Variants in ZPLD1 observed in about 807,000 individuals in gnomAD.
The protein encoded by ZPLD1 is zona pellucida like domain containing 1, also known as zona pellucida-like domain-containing protein 1.
A neutral mutation model predicts 47.2 loss-of-function variants in ZPLD1; 34 were observed. That is an observed-to-expected ratio of 0.72 (90% confidence interval 0.55 to 0.96). ZPLD1 has a LOEUF of 0.96. Among genes scored for constraint, ZPLD1 ranks in the 40% least tolerant of loss-of-function variants. The pLI, the probability that ZPLD1 is intolerant of heterozygous loss-of-function variation, is 0.00. For synonymous variants in ZPLD1, 176 were observed against 186.2 expected, an observed-to-expected ratio of 0.95 and a Z score of 0.45; for missense variants, 512 against 505.8, an observed-to-expected ratio of 1.01 and a Z score of -0.12.
At chr3:102,387,826 C>CA (rs1706447394) in intron 6 of ZPLD1, among the ~76,000 whole-genome samples, 1 of 145,986 alleles carries the variant, frequency 6.8e-6, no homozygotes, top group Admixed American at 6.8e-5. Flanking sequence ...TCTTAAGATT[C>CA]ATGTCCTTCA....
intron 3 of ZPLD1, among the ~76,000 whole-genome samples, chr3:102,449,746 CT>C (rs1707308688): frequency 6.6e-6 from 1 of 152,116 alleles, no homozygotes; most frequent in African/African-American, 2.4e-5. Flanking sequence ...AAAAAATCAA[CT>C]TTATCATAGG....
At position 102,469,045 on chromosome 3, in the gene ZPLD1, T is replaced by A. The variant is rs749374356; in HGVS notation, c.843T>A (p.Phe281Leu). Residue 281 changes from phenylalanine to leucine, a missense_variant, in exon 9 of 12, where the codon TTT becomes TTA. Physicochemically the swap from Phe to Leu is conservative, Grantham distance 22. Transcript: ENST00000466937. ...GGTTTTCTTTTGAAGTGTTCCGATT[T>A]GTGAAACACAAGAATCAGAAAATGT... The part of the protein sequence containing the change: ...RGRFSFEVFR[F>L]VKHKNQKMST... 2 of 1,614,202 alleles carry A rather than the reference T, an allele frequency of 1.2e-6. No individual in the cohort carries two copies. The highest frequency in any genetic ancestry group is 1.7e-6 in the Non-Finnish European group (2 of 1,180,018).
At chr3:102,474,660 T>C (rs537377283) in intron 10 of ZPLD1, among the ~76,000 whole-genome samples, 81 of 152,306 alleles carry the variant, frequency 5.3e-4, no homozygotes, top group African/African-American at 1.9e-3. Context: ...TCTTTGGTGG[T>C]CATTTTTAAA....
At chr3:102,434,465 CTTCCTTTTCTATTAGTAACAG>C (rs1451409018), upstream of ZPLD1, among the ~76,000 whole-genome samples, 1 of 152,092 alleles carries the variant, frequency 6.6e-6, no homozygotes, top group African/African-American at 2.4e-5. Context: ...TAGCATATGA[CTTCCTTTTCTATTAGTAACAG>C]TTTATGAGAT....
chr3:102,448,095 A>G (rs1430824124), intron 3 of ZPLD1, among the ~76,000 whole-genome samples: 1 of 152,200 alleles, frequency 6.6e-6, no homozygotes, highest in Non-Finnish European at 1.5e-5. Flanking sequence ...AGGGTACAGA[A>G]CATTATTTTT....
At chr3:102,433,314 G>A (rs1707039491), upstream of ZPLD1, among the ~76,000 whole-genome samples, 1 of 152,150 alleles carries the variant, frequency 6.6e-6, no homozygotes, top group South Asian at 2.1e-4. Context: ...CTCCGGGCGT[G>A]AATCCTGATT....
intron 7 of ZPLD1, among the ~76,000 whole-genome samples, chr3:102,411,900 A>C: frequency 6.6e-6 from 1 of 151,788 alleles, no homozygotes; most frequent in South Asian, 2.1e-4. Flanking sequence ...ATCAATTTAT[A>C]TATCTATCTA....
At chr3:102,444,159 T>C (rs1299292521) in intron 3 of ZPLD1, among the ~76,000 whole-genome samples, 1 of 152,222 alleles carries the variant, frequency 6.6e-6, no homozygotes, top group Non-Finnish European at 1.5e-5. Flanking sequence ...ATAAAACCCA[T>C]TTGCTTTTTT....
At position 102,478,364 on chromosome 3, in the gene ZPLD1, C is replaced by A. The variant is rs1456156778; in HGVS notation, c.*746C>A. 1.3e-5 allele frequency: 2 copies of A among 151,716 alleles called. No individual in the cohort carries two copies. Among genetic ancestry groups the A allele is most frequent in the East Asian group, 1.9e-4 (1 of 5,152 alleles). The allele number at this position is 151,716 out of a possible 1,614,324, so 9.4% of individuals were successfully genotyped here. On this transcript the variant is annotated 3_prime_UTR_variant, in exon 12 of 12. Transcript: ENST00000466937. ...AACACCAGCACATGTTAACTCTCCT[C>A]CCAGGTAAACAGTTCAGCTGCTGTT...
intron 3 of ZPLD1, among the ~76,000 whole-genome samples, chr3:102,445,577 C>A (rs1005568584): frequency 6.6e-6 from 1 of 152,174 alleles, no homozygotes; most frequent in East Asian, 1.9e-4. Flanking sequence ...GTAAGAAATG[C>A]CAAAACTCAG....
chr3:102,468,978 C>T lies in ZPLD1; in HGVS notation c.776C>T (p.Pro259Leu). The T allele has an allele frequency of 6.2e-7, 1 of 1,613,294 alleles. No individual in the cohort carries two copies. Among genetic ancestry groups the T allele is most frequent in the Non-Finnish European group, 8.5e-7 (1 of 1,179,644 alleles). ...YDLFLSCDKD[P>L]QTTVIENGRS... ...CTAAAATTTAGCTGTGACAAGGACC[C>T]TCAGACCACCGTCATTGAGAATGGC... Residue 259 changes from proline (P) to leucine (L), a missense_variant, in exon 9 of 12, where the codon CCT becomes CTT. Transcript: ENST00000466937.
At chr3:102,388,076 G>A (rs1706452633) in intron 6 of ZPLD1, among the ~76,000 whole-genome samples, 1 of 151,872 alleles carries the variant, frequency 6.6e-6, no homozygotes, top group Non-Finnish European at 1.5e-5. Context: ...TAGCCAGGAT[G>A]GTCTCGATTT....
chr3:102,464,249 T>C lies in ZPLD1; in HGVS notation c.759T>C (p.Leu253=). 1 of 1,607,338 alleles carries C rather than the reference T, an allele frequency of 6.2e-7. No homozygotes were observed. The highest frequency in any genetic ancestry group is 1.3e-5 in the African/African-American group (1 of 74,884). The change falls in exon 8 of 12, where the codon CTT becomes CTC. Residue 253 remains leucine, a splice_region_variant and synonymous_variant. Coordinates refer to ENST00000466937, the MANE Select transcript of ZPLD1 (RefSeq NM_001329788.2). ...PNDDIRYDLF[L]SCDKDPQTTV... Reference sequence around the variant, plus strand: ...ATGACATTCGATATGATCTTTTCCTTAGGTAAGACTTAGCTGTCTAAGTAT... The same window carrying C: ...ATGACATTCGATATGATCTTTTCCTCAGGTAAGACTTAGCTGTCTAAGTAT...
chr3:102,415,690 A>T (rs1183549140), intron 7 of ZPLD1, among the ~76,000 whole-genome samples: 1 of 151,896 alleles, frequency 6.6e-6, no homozygotes, highest in Non-Finnish European at 1.5e-5. Flanking sequence ...CATAAGCAAG[A>T]TCCTAAAGTA....
intron 7 of ZPLD1, among the ~76,000 whole-genome samples, chr3:102,408,129 C>T (rs1329180654): frequency 6.6e-6 from 1 of 151,880 alleles, no homozygotes; most frequent in Non-Finnish European, 1.5e-5. Flanking sequence ...GATATGATCA[C>T]ATCGATGTCC....
At chr3:102,452,352 T>TA (rs954514501) in intron 3 of ZPLD1, among the ~76,000 whole-genome samples, 1 of 152,060 alleles carries the variant, frequency 6.6e-6, no homozygotes, top group African/African-American at 2.4e-5. Flanking sequence ...ACTATTTTTT[T>TA]ATTCCCTTTC....
At chr3:102,450,180 A>T (rs1010522199) in intron 3 of ZPLD1, among the ~76,000 whole-genome samples, 7 of 152,158 alleles carry the variant, frequency 4.6e-5, no homozygotes, top group African/African-American at 1.7e-4. Context: ...GAGCATTCCA[A>T]ACAGAAGAAA....
intron 6 of ZPLD1, among the ~76,000 whole-genome samples, chr3:102,387,523 T>C (rs181312106): frequency 1.9e-3 from 291 of 152,298 alleles, no homozygotes; most frequent in Non-Finnish European, 3.4e-3. Context: ...GGGCCCTTTT[T>C]CATACTCTTA....
At chr3:102,419,717 T>G (rs1409689095) in intron 8 of ZPLD1, among the ~76,000 whole-genome samples, 1 of 151,886 alleles carries the variant, frequency 6.6e-6, no homozygotes, top group African/African-American at 2.4e-5. Flanking sequence ...TATTGTAATC[T>G]ATTCAGTTAT....
Sources: gnomAD v4.1 joint callset for allele counts (sites outside exome capture counted in the v4.1 genomes callset) on GRCh38, gnomAD v4.1.1 for gene constraint, MANE v1.5 for transcripts, NCBI Gene and HGNC (gene_info 2026-07-23, HGNC 2026-07-21) for gene names.